Variants in B4GALT7 observed in about 807,000 individuals in gnomAD.
B4GALT7 encodes beta-1,4-galactosyltransferase 7, also known as UDP-Gal:beta-GlcNAc beta-1,4-galactosyltransferase 7.
In B4GALT7, 30 loss-of-function variants were observed where a neutral mutation model predicts 33.0. The ratio of observed to expected loss-of-function variants is 0.91; its 90% CI spans 0.68 to 1.23. The LOEUF is 1.23. Ranked by LOEUF, B4GALT7 falls within the 50% of genes most tolerant of loss-of-function variation. B4GALT7 has a pLI of 0.00. For synonymous variants in B4GALT7, 213 were observed against 187.2 expected, an observed-to-expected ratio of 1.14 and a Z score of -1.13; for missense variants, 507 against 450.8, an observed-to-expected ratio of 1.12 and a Z score of -1.13.
rs746538176 is a variant in B4GALT7, at chr5:177,607,540, C to A, written c.639+13C>A. 11 of 1,606,882 alleles carry A rather than the reference C, an allele frequency of 6.8e-6. No homozygotes were observed. The highest frequency in any genetic ancestry group is 9.3e-6 in the Non-Finnish European group (11 of 1,178,086). On this transcript the variant is annotated intron_variant, in intron 3 of 5. Coordinates refer to ENST00000029410, the MANE Select transcript of B4GALT7 (RefSeq NM_007255.3). ...GCACTACCGGCTGGTGAGGCCCGGA[C>A]AGCCTGCTCTGCTCAGAGCCGGGAG...
intron 5 of B4GALT7, 49 bp from the exon 6 acceptor site, chr5:177,609,491 G>T: frequency 6.2e-7 from 1 of 1,609,184 alleles, no homozygotes; most frequent in South Asian, 1.1e-5. Context: ...GTGGGTAGCT[G>T]GCACCCATGC....
At chr5:177,607,670 T>C (rs1581995547) in intron 3 of B4GALT7, 143 bp downstream of exon 3, 2 of 804,746 alleles carry the variant, frequency 2.5e-6, no homozygotes, top group Non-Finnish European at 3.9e-6. Context: ...GCAGCCAGAG[T>C]GCGAAGAGCA....
chr5:177,608,684 G>C lies in B4GALT7; in HGVS notation c.723+62G>C, dbSNP rs1360297527. 6 of 1,507,182 alleles carry C rather than the reference G, an allele frequency of 4.0e-6. No homozygotes were observed. Among genetic ancestry groups the C allele is most frequent in the East Asian group, 2.3e-5 (1 of 44,206 alleles). The allele number at this position is 1,507,182 out of a possible 1,614,324, so 93.4% of individuals were successfully genotyped here. A position where few individuals can be genotyped will look rare whatever the true frequency, so the allele number is the denominator to read the frequency against. Reference sequence around the variant, plus strand: ...GGTGGCTGCCCTGAGATTTTCTTCTGTTTCCTCAGATGAAGCTCCTGGGGT... The same window carrying C: ...GGTGGCTGCCCTGAGATTTTCTTCTCTTTCCTCAGATGAAGCTCCTGGGGT... On this transcript the variant is annotated intron_variant, in intron 4 of 5. Transcript: ENST00000029410. The surrounding 1 kb of genome is among the most constrained non-coding windows in gnomAD (Gnocchi z 4.1).
Position 177,608,445 on chromosome 5 carries a change from C to A in B4GALT7, c.640-94C>A. The A allele has an allele frequency of 1.7e-6, 2 of 1,155,086 alleles. No individual in the cohort carries two copies. The highest frequency in any genetic ancestry group is 2.5e-5 in the South Asian group (2 of 80,864). 71.6% of individuals were successfully genotyped at this position (1,155,086 alleles called of 1,614,324 possible). A position where few individuals can be genotyped will look rare whatever the true frequency, so the allele number is the denominator to read the frequency against. ...CAAGCACCCGGGGCTTATTCAGAGG[C>A]GCTGGGGGAGAGGGGCACTCCCGAG... On this transcript the variant is annotated intron_variant, in intron 3 of 5. Transcript: ENST00000029410. This position sits in a 1 kb window ranked among gnomAD's most constrained non-coding sequence, Gnocchi z 4.1.
chr5:177,607,640 C>G (rs1485770393), intron 3 of B4GALT7, 113 bp downstream of exon 3: 2 of 1,068,656 alleles, frequency 1.9e-6, no homozygotes, highest in Non-Finnish European at 2.8e-6. Flanking sequence ...CCTGCCCTGG[C>G]CTAGCAGGAG....
At chr5:177,607,254 CAGTG>C in intron 2 of B4GALT7, 44 bp from the exon 3 acceptor site, 1 of 1,520,382 alleles carries the variant, frequency 6.6e-7, no homozygotes, top group Non-Finnish European at 8.9e-7. Flanking sequence ...GAGCCCCAGG[CAGTG>C]AGCCCGTGTG....
chr5:177,600,290 T>C lies in B4GALT7; in HGVS notation c.50+30T>C, dbSNP rs1356694006. On this transcript the variant is annotated intron_variant, in intron 1 of 5. Coordinates refer to ENST00000029410, the MANE Select transcript of B4GALT7 (RefSeq NM_007255.3). The surrounding 1 kb of genome is among the most constrained non-coding windows in gnomAD (Gnocchi z 4.4). ...GCGGCGGCGGTGGGCCCGGGCCCCG[T>C]CCTCCCGGGCGCCGCTCCCTTCTCG... The C allele has an allele frequency of 1.5e-6, 2 of 1,297,012 alleles. No individual in the cohort carries two copies. The highest frequency in any genetic ancestry group is 1.5e-5 in the African/African-American group (1 of 64,602). 80.3% of individuals were successfully genotyped at this position (1,297,012 alleles called of 1,614,324 possible).
Position 177,609,549 on chromosome 5 carries a change from A to G in B4GALT7, c.838A>G (p.Lys280Glu). 1 of 1,613,266 alleles carries G rather than the reference A, an allele frequency of 6.2e-7. No individual in the cohort carries two copies. The highest frequency in any genetic ancestry group is 2.2e-5 in the East Asian group (1 of 44,866). ...RIAAQKQEQF[K>E]VDREGGLNTV... Reference sequence around the variant, plus strand: ...CTCTCTTCCTCCCCAGGAGCAGTTCAAGGTGGACAGGGAGGGAGGCCTGAA... The same window carrying G: ...CTCTCTTCCTCCCCAGGAGCAGTTCGAGGTGGACAGGGAGGGAGGCCTGAA... Residue 280 changes from lysine to glutamate, a missense_variant, in exon 6 of 6, where the codon AAG (lysine) becomes GAG (glutamate). By Grantham distance (56) the Lys-to-Glu change is moderately conservative (BLOSUM62 1). Coordinates refer to ENST00000029410, the MANE Select transcript of B4GALT7 (RefSeq NM_007255.3).
intron 1 of B4GALT7, among the ~76,000 whole-genome samples, chr5:177,602,095 G>A (rs1767864522): frequency 6.6e-6 from 1 of 152,124 alleles, no homozygotes; most frequent in Admixed American, 6.5e-5. Flanking sequence ...AGCCCAGAGG[G>A]CAAGGGAGAA....
chr5:177,604,418 T>G lies in B4GALT7; in HGVS notation c.290T>G (p.Val97Gly), dbSNP rs770290127. 1.2e-6 allele frequency: 2 copies of G among 1,613,832 alleles called. No individual in the cohort carries two copies. Among genetic ancestry groups the G allele is most frequent in the Non-Finnish European group, 1.7e-6 (2 of 1,179,874 alleles). Reference protein sequence around the residue: ...DASWGPHRLAVLVPFRERFEE... With the variant: ...DASWGPHRLAGLVPFRERFEE... ...TCCTGGGGCCCCCACCGCCTGGCAG[T>G]GCTGGTGCCCTTCCGCGAACGCTTC... Residue 97 changes from valine (V) to glycine (G), a missense_variant, in exon 2 of 6, where the codon GTG becomes GGG. Transcript: ENST00000029410.
intron 2 of B4GALT7, chr5:177,605,128 A>ACC (rs562399785): frequency 2.1e-5 from 8 of 389,742 alleles, no homozygotes; most frequent in Non-Finnish European, 3.6e-5. Context: ...AGATCCCCAG[A>ACC]CCCCCCCCTT....
chr5:177,609,723 C>T lies in B4GALT7; in HGVS notation c.*28C>T, dbSNP rs757973017. The T allele has an allele frequency of 3.2e-6, 5 of 1,576,644 alleles. No homozygotes were observed. In the South Asian group the frequency reaches 4.6e-5, roughly 14 times the overall value. ...TGGATGGACAGTGAGGAAGCCTGTA[C>T]CTACAGGCCATATTGCTCAGGCTCA... On this transcript the variant is annotated 3_prime_UTR_variant, in exon 6 of 6. Transcript: ENST00000029410.
At chr5:177,603,912 T>C (rs909406395) in intron 1 of B4GALT7, among the ~76,000 whole-genome samples, 1 of 152,060 alleles carries the variant, frequency 6.6e-6, no homozygotes, top group African/African-American at 2.4e-5. Context: ...TAAGAGAGCA[T>C]TGAGGAGCCG....
In B4GALT7 at chr5:177,607,314, A is replaced by C; in HGVS notation, c.426A>C (p.Ala142=). The C allele has an allele frequency of 6.2e-7, 1 of 1,610,410 alleles. No homozygotes were observed. The highest frequency in any genetic ancestry group is 1.1e-5 in the South Asian group (1 of 90,530). The change falls in exon 3 of 6, where the codon GCA becomes GCC. Residue 142 remains alanine, a synonymous_variant. Coordinates refer to ENST00000029410, the MANE Select transcript of B4GALT7 (RefSeq NM_007255.3). ...NQVDHFRFNR[A]ALINVGFLES... is the part of the protein sequence containing the mutation. ...CCACCCTGCACAGGTTCAACCGGGC[A>C]GCGCTCATCAACGTGGGCTTCCTGG...
At chr5:177,607,929 T>C in intron 3 of B4GALT7, 1 of 298,414 alleles carries the variant, frequency 3.4e-6, no homozygotes, top group Non-Finnish European at 6.5e-6. Context: ...TGGTGGGAGA[T>C]GGGGCCCTTC....
rs1024301942 is a variant in B4GALT7 at position 177,608,732 on chromosome 5, TCCCTGCCCTAA to T, written c.723+120_723+130del. 52 of 1,201,748 alleles carry T rather than the reference TCCCTGCCCTAA, an allele frequency of 4.3e-5. No homozygotes were observed. The highest frequency in any genetic ancestry group is 1.9e-4 in the Middle Eastern group (1 of 5,174). The allele number at this position is 1,201,748 out of a possible 1,614,324, so 74.4% of individuals were successfully genotyped here. On this transcript the variant is annotated intron_variant, in intron 4 of 5. Transcript: ENST00000029410. This position sits in a 1 kb window ranked among gnomAD's most constrained non-coding sequence, Gnocchi z 4.1. ...GGTCTGGAGATGGCCCTGATTCTGATCCCTGCCCTAACCCTGCCCTGCATGGTCATCTAGCC... is the reference window on the plus strand; with the variant it reads ...GGTCTGGAGATGGCCCTGATTCTGATCCCTGCCCTGCATGGTCATCTAGCC...
rs1768089600 is a variant in B4GALT7 at position 177,608,706 on chromosome 5, G to C, written c.723+84G>C. The stretch of plus-strand genomic sequence containing the variant: ...TCTGTTTCCTCAGATGAAGCTCCTG[G>C]GGTCTGGAGATGGCCCTGATTCTGA... On this transcript the variant is annotated intron_variant, in intron 4 of 5. Coordinates refer to ENST00000029410, the MANE Select transcript of B4GALT7 (RefSeq NM_007255.3). The surrounding 1 kb of genome is among the most constrained non-coding windows in gnomAD (Gnocchi z 4.1). The C allele has an allele frequency of 1.5e-6, 2 of 1,364,366 alleles. No individual in the cohort carries two copies. Among genetic ancestry groups the C allele is most frequent in the Non-Finnish European group, 2.1e-6 (2 of 968,930 alleles). The allele number at this position is 1,364,366 out of a possible 1,614,324, so 84.5% of individuals were successfully genotyped here.
Position 177,608,831 on chromosome 5 carries a change from G to A in B4GALT7, c.724-79G>A. On this transcript the variant is annotated intron_variant, in intron 4 of 5. Transcript: ENST00000029410. The surrounding 1 kb of genome is among the most constrained non-coding windows in gnomAD (Gnocchi z 4.1). ...AGGCTGGGAGTGCAGGTCCCTTCCT[G>A]TGGGACCTCGGGAGCTGGTGGTGAG... The A allele has an allele frequency of 8.3e-6, 11 of 1,329,256 alleles. No homozygotes were observed. The Admixed American group carries it at 1.2e-4, about 14-fold the overall frequency. 82.3% of individuals were successfully genotyped at this position (1,329,256 alleles called of 1,614,324 possible).
intron 2 of B4GALT7, chr5:177,607,003 G>T: frequency 2.1e-6 from 1 of 477,378 alleles, no homozygotes; most frequent in Non-Finnish European, 3.9e-6. Context: ...CCCCCAGCAC[G>T]AACCACTGCT....
Sources: gnomAD v4.1 joint callset for allele counts (sites outside exome capture counted in the v4.1 genomes callset) on GRCh38, gnomAD v4.1.1 for gene constraint, Gnocchi (gnomAD v3.1) non-coding constraint, MANE v1.5 for transcripts, NCBI Gene and HGNC (gene_info 2026-07-23, HGNC 2026-07-21) for gene names.